The following SPECC1L variants were observed in gnomAD, a reference collection of about 807,000 sequenced individuals.
The protein encoded by SPECC1L is sperm antigen with calponin homology and coiled-coil domains 1 like.
SPECC1L carries 40 observed loss-of-function variants against 116.8 expected under a neutral mutation model. The ratio of observed to expected loss-of-function variants is 0.34; its 90% confidence interval spans 0.27 to 0.45. SPECC1L has a LOEUF of 0.45. Ranked by LOEUF, SPECC1L falls within the 20% of genes least tolerant of loss-of-function variation. SPECC1L has a pLI of 1.00. For missense variants in SPECC1L, 1,110 were observed against 1,373.6 expected (o/e 0.81, Z 3.03); for synonymous variants, 504 against 500.6 (o/e 1.01, Z -0.09).
intron 2 of SPECC1L, among the ~76,000 whole-genome samples, chr22:24,279,847 G>A (rs1467894677): frequency 6.6e-6 from 1 of 152,188 alleles, no homozygotes; most frequent in Admixed American, 6.5e-5. Context: ...CAAAGTGCTG[G>A]GATTATAGGC....
chr22:24,326,548 T>C (rs1281863714), intron 6 of SPECC1L, among the ~76,000 whole-genome samples: 1 of 152,202 alleles, frequency 6.6e-6, no homozygotes, highest in East Asian at 1.9e-4. Flanking sequence ...AAGTACCTTA[T>C]GTGTGAGACA....
In SPECC1L at chr22:24,347,738, C is replaced by A. The variant is rs540470647; in HGVS notation, c.2743+562C>A. Among the ~76,000 whole-genome samples, 59 of 152,110 alleles carry A rather than the reference C, an allele frequency of 3.9e-4. 3 individuals carry two copies. In the South Asian group the frequency reaches 0.012, roughly 30 times the overall value. ...TCTCCCAGGCTGGAGTGTAGTGGCA[C>A]AATCTTGGCTCACTGCAACCTCTGC... On this transcript the variant is annotated intron_variant, in intron 11 of 16. Coordinates refer to ENST00000314328, the MANE Select transcript of SPECC1L (RefSeq NM_015330.6).
In SPECC1L at chr22:24,372,538, A is replaced by C. The variant is rs186578591; in HGVS notation, c.3087+3218A>C. Among the ~76,000 whole-genome samples, 6 of 152,304 alleles carry C rather than the reference A, an allele frequency of 3.9e-5. No homozygotes were observed. In the East Asian group the frequency reaches 1.2e-3, roughly 29 times the overall value. On this transcript the variant is annotated intron_variant, in intron 14 of 16. Transcript: ENST00000314328. ...GTGACAAAAACCATATGATTATCTC[A>C]ATAGATGCAGAAAAGGCCTTTGACA...
At chr22:24,286,053 G>T (rs1021453854) in intron 2 of SPECC1L, among the ~76,000 whole-genome samples, 1 of 152,194 alleles carries the variant, frequency 6.6e-6, no homozygotes, top group Non-Finnish European at 1.5e-5. Context: ...AATCAGATTC[G>T]ACAGGCAACA....
chr22:24,326,034 A>G (rs1231888738), intron 6 of SPECC1L, among the ~76,000 whole-genome samples: 1 of 151,950 alleles, frequency 6.6e-6, no homozygotes, highest in Non-Finnish European at 1.5e-5. Flanking sequence ...GCTCACTGCA[A>G]CCTCTGCCCC....
chr22:24,372,497 C>G (rs956240686), intron 14 of SPECC1L, among the ~76,000 whole-genome samples: 3 of 152,170 alleles, frequency 2.0e-5, no homozygotes, highest in Non-Finnish European at 4.4e-5. Context: ...TGTAATCCAG[C>G]ATATAAACAG....
chr22:24,329,599 C>T (rs1319839412), intron 7 of SPECC1L, among the ~76,000 whole-genome samples: 1 of 152,084 alleles, frequency 6.6e-6, no homozygotes, highest in Non-Finnish European at 1.5e-5. Flanking sequence ...GTGTAGGGGG[C>T]GTGGGGCTCA....
intron 2 of SPECC1L, among the ~76,000 whole-genome samples, chr22:24,296,947 CTT>C (rs4049936): frequency 8.1e-6 from 1 of 123,320 alleles, no homozygotes; most frequent in Non-Finnish European, 1.8e-5. Context: ...TTTAGAATAT[CTT>C]TTTTTTTTTT....
At position 24,321,998 on chromosome 22, in the gene SPECC1L, A is replaced by C; in HGVS notation, c.1018A>C (p.Asn340His). The stretch of plus-strand genomic sequence containing the variant: ...TACACTAATGGACCATCAGCACAGT[A>C]ACTCCATGGACAATTTAGACAGTGA... ...ENTLMDHQHS[N>H]SMDNLDSECS... The change falls in exon 5 of 17, where the codon AAC becomes CAC. Residue 340 changes from asparagine (N) to histidine (H), a missense_variant. By Grantham distance (68) the Asn-to-His change is moderately conservative. Transcript: ENST00000314328. The C allele has an allele frequency of 2.5e-6, 4 of 1,614,220 alleles. 1 individual carries two copies. In the South Asian group the frequency reaches 4.4e-5, roughly 18 times the overall value.
intron 10 of SPECC1L, chr22:24,343,374 T>C (rs2041219622): frequency 2.6e-6 from 1 of 390,424 alleles, no homozygotes; most frequent in Non-Finnish European, 5.0e-6. Flanking sequence ...AAGAAACTCT[T>C]AAGGACAGGC....
chr22:24,343,288 A>AAGCAAGAC (rs1370230151), intron 10 of SPECC1L, among the ~76,000 whole-genome samples: 1 of 152,182 alleles, frequency 6.6e-6, no homozygotes, highest in East Asian at 1.9e-4. Context: ...CAGGAAGCTA[A>AAGCAAGAC]AGCAAGACAA....
intron 5 of SPECC1L, 76 bp from the exon 6 acceptor site, chr22:24,324,144 G>C (rs1273340746): frequency 3.3e-6 from 4 of 1,216,852 alleles, no homozygotes; most frequent in Non-Finnish European, 4.9e-6. Context: ...CTTGGAAACT[G>C]TGTGTACCTC....
At chr22:24,384,612 ACT>A (rs1011352658) in intron 14 of SPECC1L, among the ~76,000 whole-genome samples, 63 of 151,982 alleles carry the variant, frequency 4.1e-4, no homozygotes, top group Middle Eastern at 6.8e-3. Context: ...TTTGTCATAG[ACT>A]CTGAATAAGT....
intron 10 of SPECC1L, among the ~76,000 whole-genome samples, chr22:24,345,270 A>T (rs1033522059): frequency 6.6e-6 from 1 of 152,238 alleles, no homozygotes; most frequent in Admixed American, 6.5e-5. Context: ...TAGAAAAAAA[A>T]ATAACCTCAG....
At chr22:24,409,526 A>G (rs1420263310) in intron 14 of SPECC1L, among the ~76,000 whole-genome samples, 1 of 152,158 alleles carries the variant, frequency 6.6e-6, no homozygotes, top group Non-Finnish European at 1.5e-5. Flanking sequence ...GGTGGATCAC[A>G]CCTGTAATCC....
intron 8 of SPECC1L, among the ~76,000 whole-genome samples, chr22:24,332,726 A>G (rs964423415): frequency 5.3e-5 from 8 of 151,914 alleles, no homozygotes; most frequent in African/African-American, 1.9e-4. Flanking sequence ...TTGGTTTTGG[A>G]AAACTTAGTT....
chr22:24,356,979 G>A (rs2041545983), intron 11 of SPECC1L, among the ~76,000 whole-genome samples: 1 of 151,710 alleles, frequency 6.6e-6, no homozygotes, highest in Non-Finnish European at 1.5e-5. Context: ...CATCTCCCCA[G>A]TTATGACAAC....
intron 11 of SPECC1L, among the ~76,000 whole-genome samples, chr22:24,350,804 G>C (rs2041406076): frequency 6.6e-6 from 1 of 152,202 alleles, no homozygotes. Flanking sequence ...GTCAGAGCCA[G>C]TGCAAGTCTG....
chr22:24,279,890 T>A (rs2048909385), intron 2 of SPECC1L, among the ~76,000 whole-genome samples: 2 of 152,238 alleles, frequency 1.3e-5, no homozygotes, highest in South Asian at 4.1e-4. Flanking sequence ...ACAGAATAGT[T>A]TTCCATTCAC....
Sources: allele counts gnomAD v4.1 joint callset (sites outside exome capture counted in the v4.1 genomes callset), GRCh38; gene constraint gnomAD v4.1.1; transcripts MANE v1.5; gene names NCBI Gene and HGNC (gene_info 2026-07-23, HGNC 2026-07-21).